Variants in ZNF385D observed in about 807,000 individuals in gnomAD.
ZNF385D encodes the protein zinc finger protein 659.
A neutral mutation model predicts 35.8 loss-of-function variants in ZNF385D; 15 were observed. That is an observed-to-expected ratio of 0.42 (90% CI 0.28 to 0.64). The LOEUF is 0.64. Among genes scored for constraint, ZNF385D ranks in the 30% least tolerant of loss-of-function variants. The pLI is 0.23. For missense variants in ZNF385D, 474 were observed against 494.6 expected, an observed-to-expected ratio of 0.96 and a Z score of 0.39; for synonymous variants, 212 against 186.8, an observed-to-expected ratio of 1.13 and a Z score of -1.10.
chr3:21,729,497 T>G (rs560088316), intron 1 of ZNF385D, among the ~76,000 whole-genome samples: 1 of 152,230 alleles, frequency 6.6e-6, no homozygotes, highest in South Asian at 2.1e-4. Context: ...TTTGGCAATC[T>G]TATCAACTCT....
intron 2 of ZNF385D, among the ~76,000 whole-genome samples, chr3:21,608,012 C>CTTCTTTTTTTTTTT (rs2064536095): frequency 7.3e-5 from 9 of 123,952 alleles, no homozygotes; most frequent in African/African-American, 2.8e-4. Context: ...TCTTTTTCTT[C>CTTCTTTTTTTTTTT]TTTTTTTTTT....
rs75670791 is a variant in ZNF385D, at chr3:21,872,679, G to A, written c.326-207651C>T. Among the ~76,000 whole-genome samples, 1,067 of 151,992 alleles carry A rather than the reference G, an allele frequency of 7.0e-3. 15 individuals are homozygous for A. Among genetic ancestry groups the A allele is most frequent in the East Asian group, 0.062 (317 of 5,152 alleles). On this transcript the variant is annotated intron_variant, in intron 3 of 5. Transcript: ENST00000494108. ...GTTGCCATTTACAATGTGGCAAAAT[G>A]GCCTGAAAGAAATAGAGTTTGCTGA...
intron 3 of ZNF385D, among the ~76,000 whole-genome samples, chr3:21,782,238 ATACT>A (rs2125638373): frequency 6.6e-6 from 1 of 152,222 alleles, no homozygotes; most frequent in South Asian, 2.1e-4. Context: ...AAGACAGCTG[ATACT>A]TAGTAGTGCC....
intron 3 of ZNF385D, among the ~76,000 whole-genome samples, chr3:22,100,383 C>T (rs566051429): frequency 1.4e-4 from 20 of 147,426 alleles, no homozygotes; most frequent in Non-Finnish European, 2.4e-4. Context: ...CACATGCACA[C>T]GTATGTTTAT....
intron 2 of ZNF385D, among the ~76,000 whole-genome samples, chr3:21,663,890 A>AATATATATATATATATATATAT (rs66691637): frequency 0.032 from 2,022 of 63,626 alleles, 158 homozygotes; most frequent in Non-Finnish European, 0.046. Flanking sequence ...TTGTGGGCCG[A>AATATATATATATATATATATAT]ATATATATAT....
chr3:21,773,854 G>A (rs13066520), intron 3 of ZNF385D, among the ~76,000 whole-genome samples: 107,364 of 151,852 alleles, frequency 0.71, 38,120 homozygotes, highest in Non-Finnish European at 0.75. Context: ...TGTGGAAGAT[G>A]CTGTGGCAAT....
chr3:22,232,336 A>G (rs1005939670), intron 2 of ZNF385D, among the ~76,000 whole-genome samples: 1 of 148,796 alleles, frequency 6.7e-6, no homozygotes, highest in Non-Finnish European at 1.5e-5. Flanking sequence ...TTTTTTTTCA[A>G]ATTTCCTACT....
At chr3:21,466,154 T>C (rs1325527870) in intron 4 of ZNF385D, among the ~76,000 whole-genome samples, 1 of 152,174 alleles carries the variant, frequency 6.6e-6, no homozygotes, top group African/African-American at 2.4e-5. Context: ...TGCATCCTAA[T>C]AGGCAAATGC....
intron 1 of ZNF385D, among the ~76,000 whole-genome samples, chr3:21,706,814 T>TGATAGATAGATAGATAGATA (rs67457933): frequency 8.0e-5 from 12 of 150,210 alleles, no homozygotes; most frequent in African/African-American, 1.7e-4. Flanking sequence ...AGATAATAGA[T>TGATAGATAGATAGATAGATA]GATAGATAGA....
At chr3:21,744,460 T>C (rs1403755483) in intron 1 of ZNF385D, among the ~76,000 whole-genome samples, 1 of 152,200 alleles carries the variant, frequency 6.6e-6, no homozygotes, top group African/African-American at 2.4e-5. Context: ...CATTTTCTTC[T>C]GCCATCATAA....
At chr3:21,710,090 TA>T (rs2068044402) in intron 1 of ZNF385D, among the ~76,000 whole-genome samples, 1 of 152,230 alleles carries the variant, frequency 6.6e-6, no homozygotes, top group African/African-American at 2.4e-5. Context: ...TTAGAAAAGG[TA>T]AAACTACAGA....
intron 3 of ZNF385D, among the ~76,000 whole-genome samples, chr3:21,835,458 T>C (rs1187266713): frequency 2.0e-5 from 3 of 151,178 alleles, no homozygotes; most frequent in South Asian, 2.1e-4. Flanking sequence ...GAAATACTCA[T>C]AGTCTTCTCA....
At chr3:21,988,513 G>A (rs1361636035) in intron 3 of ZNF385D, among the ~76,000 whole-genome samples, 2 of 144,490 alleles carry the variant, frequency 1.4e-5, no homozygotes, top group Admixed American at 1.4e-4. Flanking sequence ...ACTTGAGGAG[G>A]CAGTCTGCCC....
chr3:22,070,192 T>A (rs902032850), intron 3 of ZNF385D, among the ~76,000 whole-genome samples: 3 of 152,126 alleles, frequency 2.0e-5, no homozygotes, highest in Non-Finnish European at 2.9e-5. Flanking sequence ...TACTCACATG[T>A]TGTAATTTAA....
rs145101440 is a variant in ZNF385D at position 21,816,520 on chromosome 3, T to C, written c.326-151492A>G. ...AATCAATATGCAAATATCACAAGCA[T>C]TCCTATGCACCAATAACAGACAGAG... is the stretch of plus-strand genomic sequence containing the variant. On this transcript the variant is annotated intron_variant, in intron 3 of 5. Coordinates refer to the ZNF385D transcript ENST00000494108. 2.1e-3 allele frequency among the ~76,000 whole-genome samples: 319 copies of C among 152,216 alleles called. 2 individuals are homozygous for C. Among genetic ancestry groups the C allele is most frequent in the African/African-American group, 7.4e-3 (306 of 41,510 alleles).
intron 3 of ZNF385D, among the ~76,000 whole-genome samples, chr3:22,139,010 T>C (rs1410707980): frequency 6.6e-6 from 1 of 152,086 alleles, no homozygotes; most frequent in Middle Eastern, 3.2e-3. Context: ...GGGCAAAGGA[T>C]ATGAACAGAC....
At chr3:21,969,258 A>G (rs1481734507) in intron 3 of ZNF385D, among the ~76,000 whole-genome samples, 1 of 152,086 alleles carries the variant, frequency 6.6e-6, no homozygotes, top group Non-Finnish European at 1.5e-5. Context: ...CTCAAATCTC[A>G]TCTTGACTTG....
intron 1 of ZNF385D, among the ~76,000 whole-genome samples, chr3:21,742,347 T>A (rs763836323): frequency 6.6e-6 from 1 of 152,208 alleles, no homozygotes; most frequent in Non-Finnish European, 1.5e-5. Context: ...TAAGTGTATC[T>A]TCCCCAACCA....
chr3:22,327,968 C>T (rs532606221), intron 2 of ZNF385D, among the ~76,000 whole-genome samples: 15 of 152,262 alleles, frequency 9.9e-5, no homozygotes, highest in African/African-American at 3.4e-4. Flanking sequence ...TAACATTAAG[C>T]GCCTAATATA....
Sources: allele counts gnomAD v4.1 joint callset (sites outside exome capture counted in the v4.1 genomes callset), GRCh38; gene constraint gnomAD v4.1.1; transcripts MANE v1.5; gene names NCBI Gene and HGNC (gene_info 2026-07-23, HGNC 2026-07-21).